Variants in WDR27 observed in about 807,000 individuals in gnomAD.
The protein encoded by WDR27 is WD repeat-containing protein 27.
In WDR27, 100 loss-of-function variants were observed where a neutral mutation model predicts 114.4. That is an observed-to-expected ratio of 0.87 (90% CI 0.74 to 1.03). The LOEUF (loss-of-function observed/expected upper bound fraction) is 1.03, where lower values mean the gene tolerates loss of function less well. Ranked by LOEUF, WDR27 falls within the 50% of genes least tolerant of loss-of-function variation. WDR27 has a pLI of 0.00. For synonymous variants in WDR27, 449 were observed against 423.1 expected (o/e 1.06, Z -0.75); for missense variants, 1,129 against 1,092.9 (o/e 1.03, Z -0.47).
intron 24 of WDR27, among the ~76,000 whole-genome samples, chr6:169,581,811 G>A (rs914006382): frequency 1.0e-4 from 3 of 29,160 alleles, no homozygotes; most frequent in Non-Finnish European, 4.1e-4. Flanking sequence ...TAGCAGAGAA[G>A]AGCGGGTCAC....
chr6:169,670,800 G>A (rs1386944669), intron 3 of WDR27, 107 bp from the exon 4 acceptor site: 5 of 1,372,500 alleles, frequency 3.6e-6, no homozygotes, highest in East Asian at 4.7e-5. Flanking sequence ...ATTACTGAGA[G>A]AATGACAATG....
chr6:169,564,747 A>C (rs78513499), intron 25 of WDR27, among the ~76,000 whole-genome samples: 3,125 of 151,642 alleles, frequency 0.021, 68 homozygotes, highest in East Asian at 0.082. Flanking sequence ...AGTGGCCCTG[A>C]CTTCTCTTCT....
At chr6:169,607,393 T>TACACACACACAC (rs199658563) in intron 22 of WDR27, among the ~76,000 whole-genome samples, 208 of 99,490 alleles carry the variant, frequency 2.1e-3, no homozygotes, top group African/African-American at 6.0e-3. Flanking sequence ...TGTGTGTGTA[T>TACACACACACAC]ACACACACAC....
At chr6:169,609,458 G>A (rs1019203704) in intron 22 of WDR27, among the ~76,000 whole-genome samples, 2 of 151,894 alleles carry the variant, frequency 1.3e-5, no homozygotes, top group African/African-American at 4.8e-5. Flanking sequence ...GCACCCGTAG[G>A]CCCAACATGA....
intron 1 of WDR27, among the ~76,000 whole-genome samples, chr6:169,699,273 G>C (rs1787164129): frequency 6.6e-6 from 1 of 152,146 alleles, no homozygotes; most frequent in Admixed American, 6.5e-5. Flanking sequence ...AGGCTGCAGG[G>C]AGGGACAAAG....
At chr6:169,534,116 C>A (rs3006195) in intron 25 of WDR27, among the ~76,000 whole-genome samples, 97,812 of 151,976 alleles carry the variant, frequency 0.64, 32,681 homozygotes, top group East Asian at 0.75. Context: ...ATGGTTGTTA[C>A]ATTTTGTCAA....
At chr6:169,447,562 G>T in the WDR27 span, among the ~76,000 whole-genome samples, 1 of 152,124 alleles carries the variant, frequency 6.6e-6, no homozygotes, top group Non-Finnish European at 1.5e-5. Flanking sequence ...TACATAAGGA[G>T]ACTCTGTGAT....
At chr6:169,575,102 C>T (rs1474243588) in intron 24 of WDR27, among the ~76,000 whole-genome samples, 1 of 152,128 alleles carries the variant, frequency 6.6e-6, no homozygotes, top group Non-Finnish European at 1.5e-5. Flanking sequence ...GGGAACACCA[C>T]CACCAGCTAT....
intron 23 of WDR27, among the ~76,000 whole-genome samples, chr6:169,594,302 C>G (rs941354495): frequency 6.6e-6 from 1 of 151,976 alleles, no homozygotes; most frequent in Non-Finnish European, 1.5e-5. Flanking sequence ...ATTTTTTGTT[C>G]TTATTTTAAT....
intron 25 of WDR27, among the ~76,000 whole-genome samples, chr6:169,551,889 G>A (rs911603281): frequency 7.9e-5 from 12 of 152,208 alleles, no homozygotes; most frequent in Admixed American, 2.6e-4. Context: ...AGTCACAGTC[G>A]ACACTTACAT....
chr6:169,437,651 A>G, the WDR27 span, among the ~76,000 whole-genome samples: 1 of 152,100 alleles, frequency 6.6e-6, no homozygotes, highest in African/African-American at 2.4e-5. Context: ...AAAGGTACAT[A>G]TTGTTGCTTA....
At chr6:169,552,973 GGTGTGTGTGTGTGT>G (rs3975497) in intron 25 of WDR27, among the ~76,000 whole-genome samples, 913 of 61,784 alleles carry the variant, frequency 0.015, 21 homozygotes, top group South Asian at 0.035. Context: ...GGGCCTGCCC[GGTGTGTGTGTGTGT>G]GTGTGTGTGT....
chr6:169,457,775 A>G (rs1784441918), intron 25 of WDR27, 141 bp from the exon 26 acceptor site: 2 of 606,136 alleles, frequency 3.3e-6, no homozygotes, highest in South Asian at 4.1e-5. Flanking sequence ...AACATAGTAG[A>G]ATCTATATAT....
intron 25 of WDR27, among the ~76,000 whole-genome samples, chr6:169,564,992 C>A (rs1030688452): frequency 2.0e-5 from 3 of 152,150 alleles, no homozygotes; most frequent in East Asian, 1.9e-4. Flanking sequence ...CCGGGGAGAC[C>A]CCCACCAGGT....
chr6:169,534,780 T>A (rs976586851), intron 25 of WDR27, among the ~76,000 whole-genome samples: 7 of 152,132 alleles, frequency 4.6e-5, no homozygotes, highest in Non-Finnish European at 7.4e-5. Context: ...CTTCTCTTTT[T>A]TTTTCTTGGT....
intron 25 of WDR27, among the ~76,000 whole-genome samples, chr6:169,505,996 C>T (rs1472360523): frequency 6.6e-6 from 1 of 152,212 alleles, no homozygotes; most frequent in Non-Finnish European, 1.5e-5. Context: ...CACCTAAACC[C>T]CCTAAACTTT....
intron 4 of WDR27, chr6:169,668,825 G>A (rs1243445739): frequency 6.6e-6 from 1 of 152,270 alleles, no homozygotes; most frequent in Non-Finnish European, 1.5e-5. Flanking sequence ...AAATAAACAT[G>A]TATATATATG....
intron 25 of WDR27, among the ~76,000 whole-genome samples, chr6:169,501,436 G>A (rs1791222546): frequency 6.6e-6 from 1 of 152,222 alleles, no homozygotes; most frequent in Non-Finnish European, 1.5e-5. Context: ...CAACCTCACA[G>A]AGAGAACTAG....
At chr6:169,512,829 C>T (rs555626870) in intron 25 of WDR27, among the ~76,000 whole-genome samples, 2 of 152,192 alleles carry the variant, frequency 1.3e-5, no homozygotes, top group East Asian at 3.9e-4. Context: ...GCTAGTAGTT[C>T]TGAAGCAGTG....
Sources: allele counts gnomAD v4.1 joint callset (sites outside exome capture counted in the v4.1 genomes callset), GRCh38; gene constraint gnomAD v4.1.1; transcripts MANE v1.5; gene names NCBI Gene and HGNC (gene_info 2026-07-23, HGNC 2026-07-21).